The following PTPRD variants were observed in gnomAD, a reference collection of about 807,000 sequenced individuals.
PTPRD encodes the protein receptor-type tyrosine-protein phosphatase delta.
Under a neutral mutation model 214.5 loss-of-function variants are expected in PTPRD, and 34 were observed. The observed-to-expected ratio is 0.16, with a 90% CI of 0.12 to 0.21. The LOEUF is 0.21. Among genes scored for constraint, PTPRD ranks in the 10% least tolerant of loss-of-function variants. The pLI, the probability that PTPRD is intolerant of heterozygous loss-of-function variation, is 1.00. For missense variants in PTPRD, 2,545 were observed against 2,398.7 expected, an observed-to-expected ratio of 1.06 and a Z score of -1.27; for synonymous variants, 1,128 against 845.7, an observed-to-expected ratio of 1.33 and a Z score of -5.79.
chr9:10,546,638 TTTCTAGGAGAGGATCC>T (rs1372779140), intron 2 of PTPRD, among the ~76,000 whole-genome samples: 1 of 152,078 alleles, frequency 6.6e-6, no homozygotes, highest in Non-Finnish European at 1.5e-5. Flanking sequence ...ATTATATGCC[TTTCTAGGAGAGGATCC>T]ATTTTTATTG....
chr9:10,096,835 A>C (rs1461991447), intron 3 of PTPRD, among the ~76,000 whole-genome samples: 1 of 151,998 alleles, frequency 6.6e-6, no homozygotes, highest in Non-Finnish European at 1.5e-5. Context: ...CCTGAATGGT[A>C]ATGCCTAGGT....
Position 9,406,192 on chromosome 9 carries a change from C to T in PTPRD, c.-236-8710G>A, listed in dbSNP as rs532990311. Among the ~76,000 whole-genome samples the T allele has an allele frequency of 7.9e-5, 12 of 151,988 alleles. No homozygotes were observed. In the South Asian group the frequency reaches 2.5e-3, roughly 31 times the overall value. The stretch of plus-strand genomic sequence containing the variant: ...TTTTTGAAACACATTAAAATTATCA[C>T]CTGAAAAGTGCTGTTAAAAAGATGG... On this transcript the variant is annotated intron_variant, in intron 8 of 45. Transcript: ENST00000381196.
At chr9:8,997,211 A>G (rs1202614646) in intron 11 of PTPRD, among the ~76,000 whole-genome samples, 2 of 152,120 alleles carry the variant, frequency 1.3e-5, no homozygotes, top group Non-Finnish European at 2.9e-5. Context: ...TAAAAGTCAG[A>G]TATACAGGCA....
At chr9:9,428,260 T>A (rs537409182) in intron 8 of PTPRD, among the ~76,000 whole-genome samples, 4 of 151,930 alleles carry the variant, frequency 2.6e-5, no homozygotes, top group Non-Finnish European at 4.4e-5. Flanking sequence ...GGGATTGCAA[T>A]CCTAATCTCT....
intron 2 of PTPRD, among the ~76,000 whole-genome samples, chr9:10,483,278 T>A (rs1200871057): frequency 6.6e-6 from 1 of 151,932 alleles, no homozygotes; most frequent in Non-Finnish European, 1.5e-5. Context: ...TGTACAAAAA[T>A]GAACTCAAGA....
At chr9:9,602,239 G>C (rs1314962947) in intron 7 of PTPRD, among the ~76,000 whole-genome samples, 1 of 151,914 alleles carries the variant, frequency 6.6e-6, no homozygotes, top group East Asian at 1.9e-4. Context: ...CTTTCAGTCT[G>C]AAAAAATATA....
chr9:8,818,529 G>C (rs1306716550), intron 11 of PTPRD, among the ~76,000 whole-genome samples: 1 of 152,132 alleles, frequency 6.6e-6, no homozygotes, highest in Admixed American at 6.6e-5. Context: ...AGTAATTAAG[G>C]TGAGGTTATT....
chr9:9,789,481 C>T lies in PTPRD; in HGVS notation c.-367-22630G>A, dbSNP rs981991205. ...GACACTCTACTGAGGGGGAGATAAT[C>T]GACATATTCCCTAGGTGATTAAAAC... is the stretch of plus-strand genomic sequence containing the variant. On this transcript the variant is annotated intron_variant, in intron 5 of 45. Coordinates refer to ENST00000381196, the MANE Select transcript of PTPRD (RefSeq NM_002839.4). Among the ~76,000 whole-genome samples the T allele has an allele frequency of 3.3e-5, 5 of 152,200 alleles. No homozygotes were observed. In the South Asian group the frequency reaches 6.2e-4, roughly 19 times the overall value.
intron 8 of PTPRD, among the ~76,000 whole-genome samples, chr9:9,570,196 G>A (rs1404176428): frequency 6.6e-6 from 1 of 151,428 alleles, no homozygotes; most frequent in African/African-American, 2.4e-5. Flanking sequence ...CTTTCTAACT[G>A]TATTATCATC....
chr9:10,083,734 G>A (rs959831747), intron 3 of PTPRD, among the ~76,000 whole-genome samples: 4 of 151,896 alleles, frequency 2.6e-5, no homozygotes, highest in African/African-American at 9.7e-5. Context: ...AGTCGGGGGT[G>A]GATGAGGATC....
chr9:9,055,930 C>G (rs962588327), intron 10 of PTPRD, among the ~76,000 whole-genome samples: 2 of 151,812 alleles, frequency 1.3e-5, no homozygotes, highest in African/African-American at 4.8e-5. Flanking sequence ...TCAGCTCATT[C>G]CAAAGATATT....
chr9:9,302,892 C>G (rs944391823), intron 9 of PTPRD, among the ~76,000 whole-genome samples: 4 of 151,892 alleles, frequency 2.6e-5, no homozygotes, highest in African/African-American at 9.7e-5. Context: ...CTGCAAATCT[C>G]TAGCACCCTG....
chr9:10,004,340 A>C (rs979154697), intron 4 of PTPRD, among the ~76,000 whole-genome samples: 6 of 151,950 alleles, frequency 3.9e-5, no homozygotes, highest in Non-Finnish European at 5.9e-5. Context: ...ACAAAGGAGA[A>C]AGTCATTTCA....
chr9:8,991,315 A>T (rs2099365781), intron 11 of PTPRD, among the ~76,000 whole-genome samples: 1 of 151,980 alleles, frequency 6.6e-6, no homozygotes, highest in South Asian at 2.1e-4. Context: ...GGATTAAATA[A>T]ATTTGTTGTG....
intron 11 of PTPRD, among the ~76,000 whole-genome samples, chr9:8,909,855 GA>G (rs1278793718): frequency 7.3e-5 from 8 of 109,376 alleles, no homozygotes; most frequent in Non-Finnish European, 1.5e-4. Flanking sequence ...TGGAGAGAGA[GA>G]TATTAAAGGC....
At chr9:10,160,983 T>C (rs767464586) in intron 3 of PTPRD, among the ~76,000 whole-genome samples, 1 of 151,766 alleles carries the variant, frequency 6.6e-6, no homozygotes, top group Non-Finnish European at 1.5e-5. Flanking sequence ...CTACAAAGAA[T>C]ATAAAATGCC....
At chr9:9,933,379 G>A (rs1372490660) in intron 5 of PTPRD, among the ~76,000 whole-genome samples, 2 of 151,786 alleles carry the variant, frequency 1.3e-5, no homozygotes, top group African/African-American at 4.9e-5. Flanking sequence ...AAGGATGGAG[G>A]AAGATCTACC....
At chr9:9,196,720 T>C (rs975523727) in intron 9 of PTPRD, among the ~76,000 whole-genome samples, 9 of 152,212 alleles carry the variant, frequency 5.9e-5, no homozygotes, top group Non-Finnish European at 1.2e-4. Flanking sequence ...GTAATATGTA[T>C]GCAATACATA....
chr9:9,718,563 G>A (rs890631642), intron 7 of PTPRD, among the ~76,000 whole-genome samples: 5 of 152,214 alleles, frequency 3.3e-5, no homozygotes, highest in African/African-American at 9.6e-5. Flanking sequence ...TGCTCTCAGA[G>A]ACCCAGGAAG....
Sources: gnomAD v4.1 joint callset for allele counts (sites outside exome capture counted in the v4.1 genomes callset) on GRCh38, gnomAD v4.1.1 for gene constraint, MANE v1.5 for transcripts, NCBI Gene and HGNC (gene_info 2026-07-23, HGNC 2026-07-21) for gene names.